Variants in HOMER2 observed in about 807,000 individuals in gnomAD.
The protein encoded by HOMER2 is homer scaffold protein 2, also known as homer protein homolog 2.
HOMER2 carries 27 observed loss-of-function variants against 47.0 expected under a neutral mutation model. The ratio of observed to expected loss-of-function variants is 0.57; its 90% CI spans 0.42 to 0.79. The LOEUF is 0.79. HOMER2 is among the 30% of genes least tolerant of loss of function. HOMER2 has a pLI of 0.00. For missense variants in HOMER2, 443 were observed against 435.0 expected (o/e 1.02, Z -0.16); for synonymous variants, 161 against 163.8 (o/e 0.98, Z 0.13).
At chr15:82,968,641 C>A (rs2054697805) in intron 1 of HOMER2, among the ~76,000 whole-genome samples, 1 of 152,194 alleles carries the variant, frequency 6.6e-6, no homozygotes, top group African/African-American at 2.4e-5. Context: ...TCAGAGATCA[C>A]CCTATAACAG....
exon 2 of HOMER2, chr15:82,839,749 TAAATTA>T (rs1373587230): frequency 1.3e-5 from 2 of 152,330 alleles, no homozygotes; most frequent in South Asian, 2.1e-4. Context: ...ATGAATCAAG[TAAATTA>T]AAATTAAAGG....
At chr15:82,858,470 AT>A (rs1203328357) in intron 5 of HOMER2, among the ~76,000 whole-genome samples, 2 of 151,726 alleles carry the variant, frequency 1.3e-5, no homozygotes, top group Non-Finnish European at 2.9e-5. Flanking sequence ...TTTTTAAAAT[AT>A]TTTTTCTAGA....
intron 1 of HOMER2, among the ~76,000 whole-genome samples, chr15:82,924,136 A>G (rs927569591): frequency 2.0e-5 from 3 of 152,220 alleles, no homozygotes; most frequent in Non-Finnish European, 4.4e-5. Flanking sequence ...GTAGGTCTTC[A>G]GCACACAGAA....
At chr15:82,941,025 C>T (rs1274299562) in intron 1 of HOMER2, among the ~76,000 whole-genome samples, 2 of 152,178 alleles carry the variant, frequency 1.3e-5, no homozygotes, top group African/African-American at 2.4e-5. Context: ...GCAAGGTTTA[C>T]ATTATATAAA....
At chr15:82,869,630 G>A (rs2052113927) in intron 3 of HOMER2, among the ~76,000 whole-genome samples, 1 of 151,542 alleles carries the variant, frequency 6.6e-6, no homozygotes, top group African/African-American at 2.4e-5. Flanking sequence ...GCTAATTTTT[G>A]TATTTTTAGA....
chr15:82,967,345 AT>A (rs1274960334), intron 1 of HOMER2, among the ~76,000 whole-genome samples: 1 of 152,120 alleles, frequency 6.6e-6, no homozygotes, highest in East Asian at 1.9e-4. Flanking sequence ...TTAAGGAATA[AT>A]TTTTTAGGTA....
chr15:82,863,150 C>T (rs1023102230), intron 4 of HOMER2, among the ~76,000 whole-genome samples: 2 of 152,100 alleles, frequency 1.3e-5, no homozygotes, highest in Non-Finnish European at 2.9e-5. Context: ...GATGCCCAGG[C>T]CTCCTGGTTC....
intron 1 of HOMER2, among the ~76,000 whole-genome samples, chr15:82,943,920 C>T (rs1187647159): frequency 1.3e-5 from 2 of 152,186 alleles, no homozygotes; most frequent in Admixed American, 1.3e-4. Context: ...ACGGCTCTCA[C>T]CCTGACTCCT....
chr15:82,945,836 G>A (rs1441431876), intron 1 of HOMER2, among the ~76,000 whole-genome samples: 1 of 152,104 alleles, frequency 6.6e-6, no homozygotes, highest in Non-Finnish European at 1.5e-5. Context: ...CGGGTGTGGT[G>A]GCAGGCGCCT....
chr15:82,957,446 C>T (rs529491667), upstream of HOMER2, among the ~76,000 whole-genome samples: 6 of 152,198 alleles, frequency 3.9e-5, no homozygotes, highest in African/African-American at 1.4e-4. Context: ...TTAATATTGT[C>T]AAAATGGTTC....
exon 2 of HOMER2, chr15:82,841,608 C>G (rs1365440591): frequency 6.6e-6 from 1 of 151,926 alleles, no homozygotes; most frequent in Non-Finnish European, 1.5e-5. Context: ...TCTAAAAGTA[C>G]CAGTCAATGT....
intron 1 of HOMER2, among the ~76,000 whole-genome samples, chr15:82,950,767 CA>C (rs1280300711): frequency 6.6e-6 from 1 of 152,202 alleles, no homozygotes; most frequent in East Asian, 1.9e-4. Flanking sequence ...ACAAAATCCC[CA>C]AGCGTCTCCT....
intron 1 of HOMER2, among the ~76,000 whole-genome samples, chr15:82,930,291 G>A (rs1364090856): frequency 3.9e-5 from 6 of 152,164 alleles, no homozygotes; most frequent in Middle Eastern, 3.2e-3. Flanking sequence ...ACCGTATAAA[G>A]GGAGTCAATA....
intron 1 of HOMER2, among the ~76,000 whole-genome samples, chr15:82,982,287 T>C (rs2040373669): frequency 6.6e-6 from 1 of 152,196 alleles, no homozygotes; most frequent in South Asian, 2.1e-4. Flanking sequence ...CAATAAAAAA[T>C]TTCTGATGCT....
At chr15:82,876,389 A>G (rs1291020913) in intron 2 of HOMER2, among the ~76,000 whole-genome samples, 1 of 152,256 alleles carries the variant, frequency 6.6e-6, no homozygotes, top group East Asian at 1.9e-4. Flanking sequence ...AATCAAAGAT[A>G]CAAAGATGAA....
intron 1 of HOMER2, among the ~76,000 whole-genome samples, chr15:82,976,907 C>T (rs2030225692): frequency 6.6e-6 from 1 of 151,922 alleles, no homozygotes; most frequent in African/African-American, 2.4e-5. Context: ...AGCTCCTGAC[C>T]TCAGGTGATC....
At chr15:82,934,807 G>A (rs1440507713) in intron 1 of HOMER2, among the ~76,000 whole-genome samples, 1 of 152,194 alleles carries the variant, frequency 6.6e-6, no homozygotes, top group Non-Finnish European at 1.5e-5. Context: ...ACTCTGCAGT[G>A]GCCGACAGGC....
At chr15:82,855,275 G>A (rs1051095204) in intron 5 of HOMER2, among the ~76,000 whole-genome samples, 6 of 125,158 alleles carry the variant, frequency 4.8e-5, no homozygotes, top group Non-Finnish European at 9.3e-5. Context: ...GCAGTGAGCC[G>A]AGATCACGCC....
At chr15:82,904,139 C>G (rs2053217872) in intron 1 of HOMER2, among the ~76,000 whole-genome samples, 1 of 151,798 alleles carries the variant, frequency 6.6e-6, no homozygotes, top group Non-Finnish European at 1.5e-5. Flanking sequence ...TGGCTCAAAA[C>G]AAAAAAACAA....
Sources: gnomAD v4.1 joint callset for allele counts (sites outside exome capture counted in the v4.1 genomes callset) on GRCh38, gnomAD v4.1.1 for gene constraint, MANE v1.5 for transcripts, NCBI Gene and HGNC (gene_info 2026-07-23, HGNC 2026-07-21) for gene names.